The following SOX6 variants were observed in gnomAD, a reference collection of about 807,000 sequenced individuals.
SOX6 encodes the protein transcription factor SOX-6.
In SOX6, 11 loss-of-function variants were observed where a neutral mutation model predicts 97.8. The observed-to-expected ratio is 0.11, with a 90% CI of 0.07 to 0.19. The LOEUF is 0.19. Ranked by LOEUF, SOX6 falls within the 10% of genes least tolerant of loss-of-function variation. The pLI is 1.00. For synonymous variants in SOX6, 360 were observed against 371.4 expected (o/e 0.97, Z 0.35); for missense variants, 810 against 1,039.5 (o/e 0.78, Z 3.04).
intron 13 of SOX6, among the ~76,000 whole-genome samples, chr11:15,998,253 TA>T (rs1854290092): frequency 1.3e-5 from 2 of 151,074 alleles, no homozygotes; most frequent in South Asian, 4.2e-4. Flanking sequence ...CAATGAACAA[TA>T]AAAAATACCA....
chr11:16,692,340 G>A (rs1182642103), intron 3 of SOX6, among the ~76,000 whole-genome samples: 2 of 152,036 alleles, frequency 1.3e-5, no homozygotes, highest in East Asian at 1.9e-4. Context: ...GTGAACCACC[G>A]CACCTGGCCC....
chr11:16,246,858 C>A (rs1237028866), intron 3 of SOX6, among the ~76,000 whole-genome samples: 2 of 152,142 alleles, frequency 1.3e-5, no homozygotes, highest in East Asian at 3.9e-4. Context: ...AATATCAAAT[C>A]AAGGTAACTT....
rs183541339 is a variant in SOX6 at position 15,970,799 on chromosome 11, G to T, written c.*2010C>A. On this transcript the variant is annotated 3_prime_UTR_variant, in exon 16 of 16. Coordinates refer to ENST00000683767, the MANE Select transcript of SOX6 (RefSeq NM_001367873.1). The stretch of plus-strand genomic sequence containing the variant: ...CTATTTTCTTCCAAGTGACAAAATG[G>T]CTCAAGAAATCTGATGGGGCCATTC... 38 of 152,706 alleles carry T rather than the reference G, an allele frequency of 2.5e-4. No individual in the cohort carries two copies. The highest frequency in any genetic ancestry group is 8.8e-5 in the Non-Finnish European group (6 of 68,030). 9.5% of individuals were successfully genotyped at this position (152,706 alleles called of 1,614,324 possible). A position where few individuals can be genotyped will look rare whatever the true frequency, so the allele number is the denominator to read the frequency against.
At chr11:16,000,281 T>C (rs917847234) in intron 13 of SOX6, among the ~76,000 whole-genome samples, 5 of 152,154 alleles carry the variant, frequency 3.3e-5, no homozygotes, top group African/African-American at 1.2e-4. Flanking sequence ...GCCTTAATCA[T>C]TAAGGAAGTG....
Position 16,101,210 on chromosome 11 carries a change from C to A in SOX6, c.899-3522G>T, listed in dbSNP as rs189268337. On this transcript the variant is annotated intron_variant, in intron 7 of 15. Transcript: ENST00000683767. Reference sequence around the variant, plus strand: ...GCCTGGATGCACGCATTTGGTACAGCAAAATATTACAATTCCTCTACACTC... The same window carrying A: ...GCCTGGATGCACGCATTTGGTACAGAAAAATATTACAATTCCTCTACACTC... Among the ~76,000 whole-genome samples, 5 of 151,674 alleles carry A rather than the reference C, an allele frequency of 3.3e-5. No homozygotes were observed. The East Asian group carries it at 9.7e-4, about 29-fold the overall frequency.
In SOX6 at chr11:16,620,714, T is replaced by C. The variant is rs75056974; in HGVS notation, n.430-8454A>G. ...CCTTGTAGTCTTTTGACCCAGAATT[T>C]CAGCAATTTTGTGATTTTTCCAAAT... On this transcript the variant is annotated intron_variant and non_coding_transcript_variant, in intron 3 of 5. Transcript: ENST00000524520. Among the ~76,000 whole-genome samples, 1,273 of 152,326 alleles carry C rather than the reference T, an allele frequency of 8.4e-3. 21 individuals are homozygous for C. Among genetic ancestry groups the C allele is most frequent in the African/African-American group, 0.028 (1,158 of 41,568 alleles).
chr11:16,506,236 G>A (rs553936883), intron 4 of SOX6, among the ~76,000 whole-genome samples: 138 of 152,320 alleles, frequency 9.1e-4, no homozygotes, highest in African/African-American at 3.2e-3. Flanking sequence ...GGTCTTGGGA[G>A]CCTACCCATC....
chr11:16,104,651 C>T (rs993750003), intron 7 of SOX6, among the ~76,000 whole-genome samples: 2 of 150,792 alleles, frequency 1.3e-5, no homozygotes, highest in African/African-American at 2.4e-5. Flanking sequence ...TACACACATA[C>T]ACACACACAC....
Position 16,428,075 on chromosome 11 carries a change from G to T in SOX6, c.-5+48240C>A, listed in dbSNP as rs1000294435. Reference sequence around the variant, plus strand: ...TGGTTTTGATATGCATTTCTCTGACGGCCAGTGATGATGAGCATTTTTACA... The same window carrying T: ...TGGTTTTGATATGCATTTCTCTGACTGCCAGTGATGATGAGCATTTTTACA... On this transcript the variant is annotated intron_variant, in intron 1 of 15. Transcript: ENST00000396356. 5.9e-5 allele frequency among the ~76,000 whole-genome samples: 9 copies of T among 152,288 alleles called. No individual in the cohort carries two copies. The South Asian group carries it at 1.9e-3, about 32-fold the overall frequency.
chr11:16,684,108 G>C (rs909086983), intron 3 of SOX6, among the ~76,000 whole-genome samples: 2 of 152,210 alleles, frequency 1.3e-5, no homozygotes, highest in African/African-American at 4.8e-5. Flanking sequence ...AGAGGATGTG[G>C]AGAAATAGGG....
chr11:16,426,037 A>T (rs1289837568), intron 1 of SOX6, among the ~76,000 whole-genome samples: 2 of 151,790 alleles, frequency 1.3e-5, no homozygotes, highest in African/African-American at 2.4e-5. Flanking sequence ...TGGGTGGATC[A>T]CGAGGTCAGG....
intron 3 of SOX6, among the ~76,000 whole-genome samples, chr11:16,262,105 T>G (rs1853917551): frequency 6.6e-6 from 1 of 152,014 alleles, no homozygotes; most frequent in South Asian, 2.1e-4. Flanking sequence ...TCTATTCAAA[T>G]TTGACAACTG....
intron 12 of SOX6, among the ~76,000 whole-genome samples, chr11:16,032,331 T>G (rs11023832): frequency 6.6e-6 from 1 of 152,186 alleles, no homozygotes; most frequent in Admixed American, 6.5e-5. Flanking sequence ...TGGGGGCTAA[T>G]AAAAGATATC....
At chr11:16,460,495 A>G (rs1425480140) in intron 1 of SOX6, among the ~76,000 whole-genome samples, 2 of 152,078 alleles carry the variant, frequency 1.3e-5, no homozygotes, top group Non-Finnish European at 1.5e-5. Context: ...AGGATCCCCA[A>G]CAAGGTCACT....
At chr11:16,334,433 CT>C (rs67280736) in intron 2 of SOX6, among the ~76,000 whole-genome samples, 7 of 147,646 alleles carry the variant, frequency 4.7e-5, no homozygotes, top group East Asian at 2.0e-4. Flanking sequence ...AATGTCTCTA[CT>C]TTTTTTTTTT....
intron 1 of SOX6, among the ~76,000 whole-genome samples, chr11:16,455,788 CTT>C (rs1207856961): frequency 6.6e-6 from 1 of 152,014 alleles, no homozygotes; most frequent in Non-Finnish European, 1.5e-5. Context: ...TATAAAATAA[CTT>C]TAAGTCCTAA....
In SOX6 at chr11:16,231,558, A is replaced by G. The variant is rs1297645398; in HGVS notation, c.535+3024T>C. Among the ~76,000 whole-genome samples the G allele has an allele frequency of 2.0e-5, 3 of 151,842 alleles. No individual in the cohort carries two copies. In the East Asian group the frequency reaches 5.8e-4, roughly 29 times the overall value. ...GCACAAAATACTACACTCTTCCTGA[A>G]GGGTAACTGGCAATATGAATCAAAA... is the stretch of plus-strand genomic sequence containing the variant. On this transcript the variant is annotated intron_variant, in intron 4 of 15. Transcript: ENST00000683767.
intron 4 of SOX6, among the ~76,000 whole-genome samples, chr11:16,548,655 T>A (rs917617908): frequency 1.3e-5 from 2 of 152,222 alleles, no homozygotes; most frequent in South Asian, 4.1e-4. Context: ...GAAAGACACT[T>A]AAAATGAACG....
intron 4 of SOX6, among the ~76,000 whole-genome samples, chr11:16,576,610 A>G (rs1847986922): frequency 6.6e-6 from 1 of 152,162 alleles, no homozygotes; most frequent in African/African-American, 2.4e-5. Flanking sequence ...CCTTTTTTTA[A>G]CATGCCTTCT....
Sources: allele counts gnomAD v4.1 joint callset (sites outside exome capture counted in the v4.1 genomes callset), GRCh38; gene constraint gnomAD v4.1.1; transcripts MANE v1.5; gene names NCBI Gene and HGNC (gene_info 2026-07-23, HGNC 2026-07-21).